The following KNTC1 variants were observed in gnomAD, a reference collection of about 807,000 sequenced individuals.
KNTC1 encodes kinetochore associated 1.
In KNTC1, 253 loss-of-function variants were observed where a neutral mutation model predicts 314.4. That is an observed-to-expected ratio of 0.80 (90% CI 0.73 to 0.89). KNTC1 has a LOEUF of 0.89. Among genes scored for constraint, KNTC1 ranks in the 40% least tolerant of loss-of-function variants. The pLI, the probability that KNTC1 is intolerant of heterozygous loss-of-function variation, is 0.00. For missense variants in KNTC1, 2,475 were observed against 2,572.9 expected (o/e 0.96, Z 0.82); for synonymous variants, 901 against 901.4 (o/e 1.00, Z 0.01).
intron 55 of KNTC1, 119 bp from the exon 56 acceptor site, chr12:122,614,872 C>T (rs1284056708): frequency 6.6e-6 from 4 of 604,928 alleles, no homozygotes; most frequent in African/African-American, 1.9e-5. Flanking sequence ...CAGAGTGAGA[C>T]TCCATCTCAA....
chr12:122,553,268 C>T (rs1348083343), intron 16 of KNTC1, among the ~76,000 whole-genome samples: 1 of 152,022 alleles, frequency 6.6e-6, no homozygotes, highest in Admixed American at 6.6e-5. Context: ...TCTGGCTAAG[C>T]ATACACATTG....
At chr12:122,577,286 C>A (rs935844223) in intron 30 of KNTC1, among the ~76,000 whole-genome samples, 1 of 151,968 alleles carries the variant, frequency 6.6e-6, no homozygotes, top group African/African-American at 2.4e-5. Context: ...TTATATGATT[C>A]TATAATCATA....
Position 122,602,873 on chromosome 12 carries a change from T to A in KNTC1, c.4870T>A (p.Ser1624Thr). 6.2e-7 allele frequency: 1 copy of A among 1,608,414 alleles called. No individual in the cohort carries two copies. The highest frequency in any genetic ancestry group is 8.5e-7 in the Non-Finnish European group (1 of 1,175,060). Reference protein sequence around the residue: ...EESFPTLLLISKLMKFSLDTL... With the variant: ...EESFPTLLLITKLMKFSLDTL... The stretch of plus-strand genomic sequence containing the variant: ...ATCTTTCCCAACATTGCTCTTAATT[T>A]CGAAATTAATGAAGGTAATGGATTA... The change falls in exon 47 of 64, where the codon TCG (serine) becomes ACG (threonine). Residue 1624 changes from serine to threonine, a missense_variant. Transcript: ENST00000333479.
chr12:122,614,462 T>C (rs1179187852), intron 55 of KNTC1, among the ~76,000 whole-genome samples: 1 of 152,012 alleles, frequency 6.6e-6, no homozygotes, highest in Non-Finnish European at 1.5e-5. Flanking sequence ...ACTTTTTCAA[T>C]AGAAGAAAGA....
chr12:122,593,236 T>A (rs1870544488), intron 42 of KNTC1: 1 of 166,520 alleles, frequency 6.0e-6, no homozygotes. Flanking sequence ...AGAGGGGACG[T>A]AAATGGCCTT....
chr12:122,621,733 T>C, intron 60 of KNTC1, 148 bp from the exon 61 acceptor site: 1 of 584,668 alleles, frequency 1.7e-6, no homozygotes, highest in Non-Finnish European at 3.0e-6. Flanking sequence ...TCATCATTCA[T>C]ACACTCATTC....
intron 2 of KNTC1, among the ~76,000 whole-genome samples, chr12:122,531,918 A>G (rs1297973137): frequency 6.6e-6 from 1 of 151,440 alleles, no homozygotes; most frequent in East Asian, 2.0e-4. Context: ...TATTTTTAGT[A>G]GAGACGGGGT....
At chr12:122,588,585 A>T (rs1184370767) in intron 39 of KNTC1, 127 bp from the exon 40 acceptor site, 5 of 697,926 alleles carry the variant, frequency 7.2e-6, no homozygotes, top group Middle Eastern at 4.5e-4. Flanking sequence ...TTCTAGCACT[A>T]TAGGTTAAAT....
rs1965120105 is a variant in KNTC1 at position 122,577,700 on chromosome 12, CTT to C, written c.2752_2753del (p.Leu918AlafsTer4). ...GAAGACTGTCTCCTTCTGTTGAAGTCTTTGCCTCCTGCTGAAGCTGAGAAAAC... is the reference window on the plus strand; with the variant it reads ...GAAGACTGTCTCCTTCTGTTGAAGTCTGCCTCCTGCTGAAGCTGAGAAAAC... On this transcript the variant is annotated frameshift_variant, in exon 31 of 64. Transcript: ENST00000333479. LOFTEE classifies it high-confidence loss of function. The C allele has an allele frequency of 6.2e-7, 1 of 1,613,576 alleles. No individual in the cohort carries two copies. Among genetic ancestry groups the C allele is most frequent in the African/African-American group, 1.3e-5 (1 of 74,888 alleles).
intron 62 of KNTC1, among the ~76,000 whole-genome samples, chr12:122,624,213 T>G (rs1183132335): frequency 1.3e-5 from 2 of 152,236 alleles, no homozygotes; most frequent in Non-Finnish European, 2.9e-5. Flanking sequence ...AATAAAACAT[T>G]AAATTCAGAG....
At chr12:122,620,271 C>T (rs371375600) in intron 59 of KNTC1, 5 of 357,712 alleles carry the variant, frequency 1.4e-5, no homozygotes, top group Non-Finnish European at 2.0e-5. Context: ...AACAGTAGTC[C>T]GTGTTCCCAT....
intron 53 of KNTC1, chr12:122,611,849 C>T (rs984038804): frequency 6.6e-6 from 1 of 152,068 alleles, no homozygotes; most frequent in African/African-American, 2.4e-5. Flanking sequence ...CAAATCACTT[C>T]GTCCCCATGG....
At position 122,586,699 on chromosome 12, in the gene KNTC1, A is replaced by G. The variant is rs922774367; in HGVS notation, c.3674-2A>G. 3.5e-6 allele frequency: 5 copies of G among 1,448,508 alleles called. No homozygotes were observed. Among genetic ancestry groups the G allele is most frequent in the Non-Finnish European group, 4.6e-6 (5 of 1,082,222 alleles). The allele number at this position is 1,448,508 out of a possible 1,614,324, so 89.7% of individuals were successfully genotyped here. On this transcript the variant is annotated splice_acceptor_variant, in intron 37 of 63. Coordinates refer to ENST00000333479, the MANE Select transcript of KNTC1 (RefSeq NM_014708.6). LOFTEE classifies it high-confidence loss of function. ...TGTTTAATGTTTTATTATCTTTTGTAGAAAGCAAGAGATATCCCTTGGAGT... is the reference window on the plus strand; with the variant it reads ...TGTTTAATGTTTTATTATCTTTTGTGGAAAGCAAGAGATATCCCTTGGAGT...
chr12:122,562,207 A>G (rs1036118789), intron 19 of KNTC1, among the ~76,000 whole-genome samples: 3 of 152,218 alleles, frequency 2.0e-5, no homozygotes, highest in Admixed American at 6.5e-5. Flanking sequence ...TAAACATTCA[A>G]ATGAAGATAA....
intron 16 of KNTC1, among the ~76,000 whole-genome samples, chr12:122,552,090 T>C (rs1457705206): frequency 1.3e-5 from 2 of 152,104 alleles, no homozygotes; most frequent in African/African-American, 4.8e-5. Flanking sequence ...GTATTTTTAG[T>C]AAAGATGGGG....
rs149212441 is a variant in KNTC1, at chr12:122,610,284, G to A, written c.5544-538G>A. On this transcript the variant is annotated intron_variant, in intron 52 of 63. Coordinates refer to ENST00000333479, the MANE Select transcript of KNTC1 (RefSeq NM_014708.6). ...CACGTGGAAGGTCTTGGAGGGAAGC[G>A]ATTTAAAGAGGAGAGAAAAAGGAAA... Among the ~76,000 whole-genome samples the A allele has an allele frequency of 2.5e-3, 385 of 152,292 alleles. 13 individuals are homozygous for A. Among genetic ancestry groups the A allele is most frequent in the Admixed American group, 0.022 (342 of 15,288 alleles).
At chr12:122,619,242 G>C (rs1874133666) in intron 59 of KNTC1, among the ~76,000 whole-genome samples, 2 of 148,056 alleles carry the variant, frequency 1.4e-5, no homozygotes, top group Non-Finnish European at 3.0e-5. Flanking sequence ...ATTTTTAGTA[G>C]AGATGGAATT....
chr12:122,534,740 T>C lies in KNTC1; in HGVS notation c.206T>C (p.Leu69Ser), dbSNP rs1392308134. Residue 69 changes from leucine to serine, a missense_variant, in exon 3 of 64, where the codon TTG becomes TCG. Physicochemically the swap from Leu to Ser is moderately radical, Grantham distance 145. Coordinates refer to ENST00000333479, the MANE Select transcript of KNTC1 (RefSeq NM_014708.6). The part of the protein sequence containing the change: ...FIIVADQSVI[L>S]LDSICRSLQL... Reference sequence around the variant, plus strand: ...ATTGTAGCCGACCAATCAGTGATATTGCTTGACAGTATTTGTAGATCACTT... The same window carrying C: ...ATTGTAGCCGACCAATCAGTGATATCGCTTGACAGTATTTGTAGATCACTT... The C allele has an allele frequency of 3.1e-6, 5 of 1,611,942 alleles. No homozygotes were observed. The highest frequency in any genetic ancestry group is 2.7e-5 in the African/African-American group (2 of 74,898).
intron 3 of KNTC1, among the ~76,000 whole-genome samples, chr12:122,535,081 A>C (rs568926792): frequency 8.5e-5 from 13 of 152,204 alleles, no homozygotes; most frequent in Non-Finnish European, 1.2e-4. Context: ...TTTGTGTTCA[A>C]ATTCCTGAAT....
Sources: allele counts gnomAD v4.1 joint callset (sites outside exome capture counted in the v4.1 genomes callset), GRCh38; gene constraint gnomAD v4.1.1; transcripts MANE v1.5; gene names NCBI Gene and HGNC (gene_info 2026-07-23, HGNC 2026-07-21).